The following MBNL2 variants were observed in gnomAD, a reference collection of about 807,000 sequenced individuals.
MBNL2 encodes the protein muscleblind-like protein 2.
MBNL2 carries 17 observed loss-of-function variants against 41.9 expected under a neutral mutation model. The ratio of observed to expected loss-of-function variants is 0.41; its 90% CI spans 0.28 to 0.61. The LOEUF (loss-of-function observed/expected upper bound fraction) is 0.61, where lower values mean the gene tolerates loss of function less well. MBNL2 is among the 20% of genes least tolerant of loss of function. The pLI is 0.35. For synonymous variants in MBNL2, 195 were observed against 182.9 expected (o/e 1.07, Z -0.53); for missense variants, 336 against 505.6 (o/e 0.66, Z 3.22).
chr13:97,324,386 G>A (rs973487016), intron 2 of MBNL2, among the ~76,000 whole-genome samples: 4 of 152,126 alleles, frequency 2.6e-5, no homozygotes, highest in South Asian at 2.1e-4. Flanking sequence ...GGAGAAGTTC[G>A]GGAAGTAGAC....
At chr13:97,348,205 G>T (rs2062073285) in intron 5 of MBNL2, among the ~76,000 whole-genome samples, 1 of 151,630 alleles carries the variant, frequency 6.6e-6, no homozygotes. Context: ...CTCCTGAGTA[G>T]CTGGGAACAT....
intron 2 of MBNL2, among the ~76,000 whole-genome samples, chr13:97,286,704 T>A (rs1180275572): frequency 6.6e-6 from 1 of 152,220 alleles, no homozygotes; most frequent in Non-Finnish European, 1.5e-5. Flanking sequence ...CACATTGGCC[T>A]GTTTATTCTT....
At chr13:97,217,897 G>A (rs1018993318), upstream of MBNL2, among the ~76,000 whole-genome samples, 4 of 152,016 alleles carry the variant, frequency 2.6e-5, no homozygotes, top group African/African-American at 9.7e-5. Context: ...AAGATGGAGA[G>A]GAGTGGATAG....
At chr13:97,296,394 G>C (rs2057014516) in intron 2 of MBNL2, among the ~76,000 whole-genome samples, 2 of 152,108 alleles carry the variant, frequency 1.3e-5, no homozygotes, top group Non-Finnish European at 2.9e-5. Flanking sequence ...ATACACAAGG[G>C]AACAGAACAA....
rs568078367 is a variant in MBNL2, at chr13:97,227,047, A to C, written c.-605+4516A>C. On this transcript the variant is annotated intron_variant, in intron 1 of 8. Coordinates refer to ENST00000679496, the MANE Select transcript of MBNL2 (RefSeq NM_001382683.1). The stretch of plus-strand genomic sequence containing the variant: ...TCCTTAAAAGCAGAGTTACAAAAAA[A>C]AAAAACAAAAAAAAAATCAAAAAAA... 8.6e-5 allele frequency among the ~76,000 whole-genome samples: 9 copies of C among 104,454 alleles called. No individual in the cohort carries two copies. In the East Asian group the frequency reaches 1.7e-3, roughly 20 times the overall value. The allele number at this position is 104,454 out of a possible 152,430, so 68.5% of individuals were successfully genotyped here. A position where few individuals can be genotyped will look rare whatever the true frequency, so the allele number is the denominator to read the frequency against.
chr13:97,291,458 G>A (rs914319514), intron 2 of MBNL2, among the ~76,000 whole-genome samples: 1 of 151,996 alleles, frequency 6.6e-6, no homozygotes, highest in African/African-American at 2.4e-5. Flanking sequence ...AGCCAGGATG[G>A]TCTCAATCCC....
At chr13:97,339,194 G>A (rs925150285) in intron 3 of MBNL2, among the ~76,000 whole-genome samples, 65 of 141,944 alleles carry the variant, frequency 4.6e-4, no homozygotes, top group Non-Finnish European at 8.6e-4. Context: ...GTGTATATGA[G>A]TGTGTTGTGT....
At chr13:97,212,588 C>G in the MBNL2 span, among the ~76,000 whole-genome samples, 3 of 152,202 alleles carry the variant, frequency 2.0e-5, no homozygotes, top group Non-Finnish European at 4.4e-5. Flanking sequence ...GCCAGCCTGC[C>G]TGGGGCAAAT....
chr13:97,379,315 G>C (rs1317976978), intron 8 of MBNL2, among the ~76,000 whole-genome samples: 2 of 152,026 alleles, frequency 1.3e-5, no homozygotes, highest in Non-Finnish European at 2.9e-5. Context: ...CTCTTCCCAG[G>C]GTGGGAAAAC....
Position 97,393,363 on chromosome 13 carries a change from TG to T in MBNL2, c.*1915del, listed in dbSNP as rs2066434068. On this transcript the variant is annotated 3_prime_UTR_variant, in exon 9 of 9. Transcript: ENST00000679496. Reference sequence around the variant, plus strand: ...ATTATGGGAATCACTGAAATATTTTTGTAGATTAATTGTTGTAACATTGTCT... The same window carrying T: ...ATTATGGGAATCACTGAAATATTTTTTAGATTAATTGTTGTAACATTGTCT... 1 of 152,380 alleles carries T rather than the reference TG, an allele frequency of 6.6e-6. No homozygotes were observed. The highest frequency in any genetic ancestry group is 1.5e-5 in the Non-Finnish European group (1 of 67,950). The allele number at this position is 152,380 out of a possible 1,614,324, so 9.4% of individuals were successfully genotyped here.
intron 3 of MBNL2, among the ~76,000 whole-genome samples, chr13:97,342,241 T>C (rs2061499545): frequency 6.6e-6 from 1 of 152,240 alleles, no homozygotes; most frequent in Admixed American, 6.5e-5. Context: ...TATTTCTTCT[T>C]ATTCCTAGAT....
intron 2 of MBNL2, among the ~76,000 whole-genome samples, chr13:97,291,803 G>A (rs1309282399): frequency 6.6e-6 from 1 of 151,066 alleles, no homozygotes; most frequent in East Asian, 2.0e-4. Context: ...GCTGAGGCAG[G>A]AGAATCGCTT....
the MBNL2 span, among the ~76,000 whole-genome samples, chr13:97,145,858 A>C: frequency 6.6e-6 from 1 of 152,204 alleles, no homozygotes; most frequent in African/African-American, 2.4e-5. Context: ...AGGCAGACCA[A>C]GCAGTTGATC....
the MBNL2 span, among the ~76,000 whole-genome samples, chr13:97,205,594 T>A: frequency 6.6e-6 from 1 of 152,216 alleles, no homozygotes; most frequent in Non-Finnish European, 1.5e-5. Context: ...GCATTTCTGT[T>A]GGATTACACC....
intron 2 of MBNL2, among the ~76,000 whole-genome samples, chr13:97,278,251 CAAAAA>C (rs10606011): frequency 6.9e-4 from 28 of 40,534 alleles, no homozygotes; most frequent in African/African-American, 2.9e-3. Flanking sequence ...GAGACTGTCT[CAAAAA>C]AAAAAAAAAA....
At chr13:97,244,644 A>G (rs1367725449) in intron 1 of MBNL2, among the ~76,000 whole-genome samples, 1 of 152,200 alleles carries the variant, frequency 6.6e-6, no homozygotes, top group East Asian at 1.9e-4. Context: ...CTTTGCCACA[A>G]ATATAATGGC....
chr13:97,389,246 T>C (rs2066193644), intron 8 of MBNL2, among the ~76,000 whole-genome samples: 1 of 152,218 alleles, frequency 6.6e-6, no homozygotes. Context: ...TTGCCATAGG[T>C]AACTTCCATA....
the MBNL2 span, among the ~76,000 whole-genome samples, chr13:97,169,323 A>G: frequency 6.6e-6 from 1 of 152,186 alleles, no homozygotes; most frequent in East Asian, 1.9e-4. Flanking sequence ...CAGATCCTCC[A>G]AGAGTGGATT....
intron 2 of MBNL2, among the ~76,000 whole-genome samples, chr13:97,301,828 T>C (rs2057654939): frequency 6.6e-6 from 1 of 152,220 alleles, no homozygotes; most frequent in South Asian, 2.1e-4. Context: ...TCCTACAACC[T>C]TCCTGTTTCG....
Sources: gnomAD v4.1 joint callset for allele counts (sites outside exome capture counted in the v4.1 genomes callset) on GRCh38, gnomAD v4.1.1 for gene constraint, MANE v1.5 for transcripts, NCBI Gene and HGNC (gene_info 2026-07-23, HGNC 2026-07-21) for gene names.